Variants in NDST4 observed in about 807,000 individuals in gnomAD.
NDST4 encodes N-heparan sulfate sulfotransferase 4.
A neutral mutation model predicts 100.8 loss-of-function variants in NDST4; 63 were observed. The ratio of observed to expected loss-of-function variants is 0.62; its 90% CI spans 0.51 to 0.77. The LOEUF is 0.77. Ranked by LOEUF, NDST4 falls within the 30% of genes least tolerant of loss-of-function variation. The pLI, the probability that NDST4 is intolerant of heterozygous loss-of-function variation, is 0.00. For synonymous variants in NDST4, 377 were observed against 361.8 expected, an observed-to-expected ratio of 1.04 and a Z score of -0.48; for missense variants, 943 against 1,018.4, an observed-to-expected ratio of 0.93 and a Z score of 1.01.
At chr4:115,065,742 C>T (rs557481557) in intron 2 of NDST4, among the ~76,000 whole-genome samples, 119 of 152,182 alleles carry the variant, frequency 7.8e-4, no homozygotes, top group Non-Finnish European at 1.5e-3. Context: ...CCAGTGGTAT[C>T]CTATTTTCAA....
At chr4:114,874,202 T>C (rs1724210089) in intron 6 of NDST4, among the ~76,000 whole-genome samples, 1 of 152,194 alleles carries the variant, frequency 6.6e-6, no homozygotes, top group Admixed American at 6.6e-5. Flanking sequence ...TATTTTTATA[T>C]CATAAGCAGA....
At chr4:115,075,182 C>A (rs1729153230) in intron 2 of NDST4, among the ~76,000 whole-genome samples, 1 of 152,092 alleles carries the variant, frequency 6.6e-6, no homozygotes, top group African/African-American at 2.4e-5. Flanking sequence ...ATGAAAGCTA[C>A]CTGAGGCTAA....
At chr4:115,112,851 T>G (rs1249304143) in intron 1 of NDST4, among the ~76,000 whole-genome samples, 3 of 151,944 alleles carry the variant, frequency 2.0e-5, no homozygotes, top group Admixed American at 2.0e-4. Context: ...AATTTATTTT[T>G]CTTTTCTAAT....
chr4:114,853,018 A>G (rs761200113), intron 7 of NDST4, among the ~76,000 whole-genome samples, 197 bp from the exon 8 acceptor site: 3 of 152,170 alleles, frequency 2.0e-5, no homozygotes, highest in Admixed American at 6.5e-5. Flanking sequence ...GCTGGGACTC[A>G]GCATCAAGTC....
At chr4:114,952,761 T>C (rs955313131) in intron 4 of NDST4, among the ~76,000 whole-genome samples, 1 of 152,114 alleles carries the variant, frequency 6.6e-6, no homozygotes, top group African/African-American at 2.4e-5. Flanking sequence ...CTATTGCCAA[T>C]GGGTACCTAA....
intron 1 of NDST4, among the ~76,000 whole-genome samples, chr4:115,095,663 C>T (rs1432788345): frequency 1.3e-5 from 2 of 152,102 alleles, no homozygotes; most frequent in Admixed American, 1.3e-4. Flanking sequence ...AAAATCTTAT[C>T]TTTTAGAAAA....
rs1294028093 is a variant in NDST4, at chr4:114,991,396, C to A, written c.979-14122G>T. On this transcript the variant is annotated intron_variant, in intron 2 of 13. Coordinates refer to ENST00000264363, the MANE Select transcript of NDST4 (RefSeq NM_022569.3). The stretch of plus-strand genomic sequence containing the variant: ...AGTTATGGGGTGAAGAGAACAAATG[C>A]CACATTAACTGAGCCAAGAAAAACT... Among the ~76,000 whole-genome samples, 6 of 151,982 alleles carry A rather than the reference C, an allele frequency of 3.9e-5. 1 individual carries two copies. The highest frequency in any genetic ancestry group is 3.9e-4 in the Admixed American group (6 of 15,226).
Position 115,076,900 on chromosome 4 carries a change from G to A in NDST4, c.137C>T (p.Thr46Ile). The A allele has an allele frequency of 2.5e-6, 4 of 1,613,732 alleles. No individual in the cohort carries two copies. The highest frequency in any genetic ancestry group is 3.4e-6 in the Non-Finnish European group (4 of 1,179,848). The change falls in exon 2 of 14, where the codon ACC (threonine) becomes ATC (isoleucine). Residue 46 changes from threonine (T) to isoleucine (I), a missense_variant. Around this residue, in one of 2 missense-constraint regions of NDST4, gnomAD observed 417 missense variants for 384.2 expected, o/e 1.09. Coordinates refer to ENST00000264363, the MANE Select transcript of NDST4 (RefSeq NM_022569.3). ...GYKQEMTLIE[T>I]TAEAECTDIK... ...GTCAGTGCATTCTGCTTCTGCAGTGGTTTCAATAAGTGTCATTTCCTGTTT... is the reference window on the plus strand; with the variant it reads ...GTCAGTGCATTCTGCTTCTGCAGTGATTTCAATAAGTGTCATTTCCTGTTT...
intron 2 of NDST4, among the ~76,000 whole-genome samples, chr4:115,066,970 G>A (rs138037296): frequency 6.6e-6 from 1 of 152,176 alleles, no homozygotes; most frequent in African/African-American, 2.4e-5. Context: ...AGCCACTGCT[G>A]TCTATGCCAT....
chr4:114,850,180 G>A (rs966162934), intron 8 of NDST4, among the ~76,000 whole-genome samples: 1 of 151,974 alleles, frequency 6.6e-6, no homozygotes, highest in African/African-American at 2.4e-5. Context: ...ATGCATGCAG[G>A]GCACAGATAA....
intron 8 of NDST4, among the ~76,000 whole-genome samples, chr4:114,848,734 A>T (rs1381919282): frequency 6.6e-6 from 1 of 152,200 alleles, no homozygotes; most frequent in Non-Finnish European, 1.5e-5. Context: ...TTCAATTAGC[A>T]TTGAAATTCA....
chr4:114,834,181 C>T (rs1165496525), intron 11 of NDST4, among the ~76,000 whole-genome samples: 1 of 152,084 alleles, frequency 6.6e-6, no homozygotes, highest in African/African-American at 2.4e-5. Flanking sequence ...CCTTACTGAT[C>T]ATTGGATCAC....
In NDST4 at chr4:114,831,101, G is replaced by A. The variant is rs184308775; in HGVS notation, c.2397-1209C>T. On this transcript the variant is annotated intron_variant, in intron 12 of 13. Coordinates refer to ENST00000264363, the MANE Select transcript of NDST4 (RefSeq NM_022569.3). ...CGCTCTGTCGCCCAGGCCGGACTGC[G>A]GACTGCAGTGGCGCAATCTCGGCTC... Among the ~76,000 whole-genome samples the A allele has an allele frequency of 1.3e-3, 202 of 150,886 alleles. 1 individual carries two copies. The highest frequency in any genetic ancestry group is 1.1e-3 in the Non-Finnish European group (72 of 67,800).
Position 115,077,222 on chromosome 4 carries a change from G to A in NDST4, c.-186C>T, listed in dbSNP as rs1434766915. ...AAGGCAATAGATGGGAAGGATATAC[G>A]TTGAGGAGATTTTGAATATGTCCAA... is the stretch of plus-strand genomic sequence containing the variant. On this transcript the variant is annotated 5_prime_UTR_variant, in exon 2 of 14. It adds an upstream start codon to the 5' untranslated region. Transcript: ENST00000264363. 9.1e-6 allele frequency: 5 copies of A among 549,924 alleles called. No individual in the cohort carries two copies. Among genetic ancestry groups the A allele is most frequent in the South Asian group, 2.3e-5 (1 of 43,032 alleles). 34.1% of individuals were successfully genotyped at this position (549,924 alleles called of 1,614,324 possible).
chr4:114,869,662 A>G (rs1724106141), intron 7 of NDST4, among the ~76,000 whole-genome samples: 1 of 152,190 alleles, frequency 6.6e-6, no homozygotes, highest in African/African-American at 2.4e-5. Context: ...CACAAACGGT[A>G]AAAAGCTGCT....
At chr4:115,092,616 G>A (rs758744165) in intron 1 of NDST4, among the ~76,000 whole-genome samples, 1 of 151,510 alleles carries the variant, frequency 6.6e-6, no homozygotes, top group Non-Finnish European at 1.5e-5. Flanking sequence ...TTCTAGAAAT[G>A]CTGTATTTTC....
chr4:115,011,925 A>G (rs1727555830), intron 2 of NDST4, among the ~76,000 whole-genome samples: 1 of 151,940 alleles, frequency 6.6e-6, no homozygotes, highest in South Asian at 2.1e-4. Context: ...TAACAAAAAT[A>G]TACTAAATTA....
chr4:114,837,872 T>A (rs2126182524), intron 11 of NDST4, among the ~76,000 whole-genome samples: 1 of 152,188 alleles, frequency 6.6e-6, no homozygotes, highest in South Asian at 2.1e-4. Flanking sequence ...AAAGAAACTA[T>A]CATCAGAGTG....
At chr4:114,897,216 C>A (rs1428671624) in intron 6 of NDST4, among the ~76,000 whole-genome samples, 2 of 152,100 alleles carry the variant, frequency 1.3e-5, no homozygotes, top group Admixed American at 1.3e-4. Context: ...CCCTAAAAAT[C>A]TTCTTTACTC....
Sources: allele counts gnomAD v4.1 joint callset (sites outside exome capture counted in the v4.1 genomes callset), GRCh38; gene constraint gnomAD v4.1.1; regional missense constraint gnomAD v4.1.1; transcripts MANE v1.5; gene names NCBI Gene and HGNC (gene_info 2026-07-23, HGNC 2026-07-21).